Variants in PCDH15 observed in about 807,000 individuals in gnomAD.
PCDH15 encodes the protein protocadherin related 15.
Under a neutral mutation model 178.5 loss-of-function variants are expected in PCDH15, and 129 were observed. The observed-to-expected ratio is 0.72, with a 90% confidence interval of 0.63 to 0.84. The LOEUF (loss-of-function observed/expected upper bound fraction) is 0.84, where lower values mean the gene tolerates loss of function less well. Ranked by LOEUF, PCDH15 falls within the 40% of genes least tolerant of loss-of-function variation. The pLI, the probability that PCDH15 is intolerant of heterozygous loss-of-function variation, is 0.00. For synonymous variants in PCDH15, 800 were observed against 732.0 expected, an observed-to-expected ratio of 1.09 and a Z score of -1.50; for missense variants, 2,230 against 2,099.9, an observed-to-expected ratio of 1.06 and a Z score of -1.21.
chr10:54,265,844 A>C (rs11004189), intron 8 of PCDH15, among the ~76,000 whole-genome samples: 107,587 of 151,876 alleles, frequency 0.71, 39,032 homozygotes, highest in Middle Eastern at 0.77. Flanking sequence ...TTCTACACCC[A>C]ACTGACAGTG....
At position 54,023,568 on chromosome 10, in the gene PCDH15, T is replaced by A. The variant is rs1232707775; in HGVS notation, c.2221-371A>T. On this transcript the variant is annotated intron_variant, in intron 18 of 37. Coordinates refer to ENST00000644397, the MANE Select transcript of PCDH15 (RefSeq NM_001384140.1). ...TAATCTGCCGAGTGACAATTTAAGA[T>A]TATGTAGGTTTTTGCTCACTGTATA... Among the ~76,000 whole-genome samples the A allele has an allele frequency of 2.7e-5, 4 of 148,306 alleles. No individual in the cohort carries two copies. In the East Asian group the frequency reaches 7.8e-4, roughly 29 times the overall value.
chr10:54,813,668 GTTC>G (rs1280230600), intron 3 of PCDH15, among the ~76,000 whole-genome samples: 1 of 152,076 alleles, frequency 6.6e-6, no homozygotes, highest in African/African-American at 2.4e-5. Flanking sequence ...CACAATCATT[GTTC>G]TTCAAGACTA....
At chr10:54,669,839 G>C (rs1178306018) in intron 1 of PCDH15, among the ~76,000 whole-genome samples, 3 of 151,688 alleles carry the variant, frequency 2.0e-5, no homozygotes, top group Admixed American at 6.6e-5. Context: ...GATAACTCGA[G>C]ATCAGGAGTT....
rs1013883600 is a variant in PCDH15 at position 53,804,321 on chromosome 10, T to G, written c.*2258A>C. 2.0e-5 allele frequency: 3 copies of G among 151,986 alleles called. No individual in the cohort carries two copies. Among genetic ancestry groups the G allele is most frequent in the African/African-American group, 7.2e-5 (3 of 41,422 alleles). 9.4% of individuals were successfully genotyped at this position (151,986 alleles called of 1,614,324 possible). A position where few individuals can be genotyped will look rare whatever the true frequency, so the allele number is the denominator to read the frequency against. On this transcript the variant is annotated 3_prime_UTR_variant, in exon 38 of 38. Coordinates refer to ENST00000644397, the MANE Select transcript of PCDH15 (RefSeq NM_001384140.1). ...AAATGTAGTTTAAAATACAGTGACA[T>G]CTCATATGTCAGGCCACTAGACTTC... is the stretch of plus-strand genomic sequence containing the variant.
intron 16 of PCDH15, among the ~76,000 whole-genome samples, chr10:54,086,954 C>T (rs556085022): frequency 1.3e-5 from 2 of 152,222 alleles, no homozygotes; most frequent in South Asian, 4.1e-4. Flanking sequence ...ATGAGAGGAG[C>T]ACTAGAGATA....
At chr10:55,205,163 TTAAAA>T (rs1840362826) in intron 1 of PCDH15, among the ~76,000 whole-genome samples, 1 of 152,024 alleles carries the variant, frequency 6.6e-6, no homozygotes, top group South Asian at 2.1e-4. Flanking sequence ...AAAAGAAATA[TTAAAA>T]TAAACCACTT....
intron 2 of PCDH15, among the ~76,000 whole-genome samples, chr10:55,417,628 G>T (rs1004546414): frequency 6.6e-6 from 1 of 151,512 alleles, no homozygotes; most frequent in African/African-American, 2.4e-5. Context: ...CATAAAGCTA[G>T]GATTCTTTAG....
At chr10:54,292,269 T>C (rs1006774915) in intron 8 of PCDH15, among the ~76,000 whole-genome samples, 6 of 152,066 alleles carry the variant, frequency 3.9e-5, no homozygotes, top group Admixed American at 6.6e-5. Flanking sequence ...CAAAATTCAA[T>C]GGCCCTTCAT....
intron 26 of PCDH15, among the ~76,000 whole-genome samples, chr10:53,878,882 G>A (rs552305236): frequency 1.8e-4 from 28 of 152,136 alleles, no homozygotes; most frequent in African/African-American, 6.3e-4. Flanking sequence ...AGATACATGA[G>A]CTTGGGCAAG....
chr10:54,687,211 G>A (rs999489695), intron 1 of PCDH15, among the ~76,000 whole-genome samples: 1 of 152,096 alleles, frequency 6.6e-6, no homozygotes, highest in African/African-American at 2.4e-5. Flanking sequence ...TGGTGGGAAT[G>A]CAAAATGGTG....
chr10:54,888,778 G>A (rs1017216804), intron 3 of PCDH15, among the ~76,000 whole-genome samples: 3 of 113,762 alleles, frequency 2.6e-5, no homozygotes, highest in African/African-American at 1.0e-4. Flanking sequence ...TTAAGTGCTT[G>A]TTCATTTTTT....
intron 17 of PCDH15, among the ~76,000 whole-genome samples, chr10:54,071,096 C>CTAAT (rs2094233586): frequency 6.6e-6 from 1 of 152,082 alleles, no homozygotes; most frequent in African/African-American, 2.4e-5. Flanking sequence ...AAATAATTAA[C>CTAAT]TAATTTTCTA....
At chr10:55,212,159 A>G (rs1840587704) in intron 1 of PCDH15, among the ~76,000 whole-genome samples, 1 of 152,122 alleles carries the variant, frequency 6.6e-6, no homozygotes, top group Non-Finnish European at 1.5e-5. Context: ...AGAACTGCAT[A>G]ATAAAAGATT....
intron 23 of PCDH15, among the ~76,000 whole-genome samples, chr10:53,956,059 G>A (rs774572630): frequency 6.6e-6 from 1 of 151,980 alleles, no homozygotes; most frequent in Non-Finnish European, 1.5e-5. Context: ...TTCATATTTT[G>A]CAATATGAAT....
In PCDH15 at chr10:53,804,127, A is replaced by C. The variant is rs1841023182; in HGVS notation, c.*2452T>G. The C allele has an allele frequency of 6.6e-6, 1 of 151,900 alleles. No homozygotes were observed. Among genetic ancestry groups the C allele is most frequent in the South Asian group, 2.1e-4 (1 of 4,824 alleles). The allele number at this position is 151,900 out of a possible 1,614,324, so 9.4% of individuals were successfully genotyped here. On this transcript the variant is annotated 3_prime_UTR_variant, in exon 38 of 38. Transcript: ENST00000644397. ...CTCTACGTTACCCAAAAATATACTG[A>C]CCAAATATTTGGTTTGGTTGCTCTG...
chr10:54,695,920 T>C (rs1437273222), intron 1 of PCDH15, among the ~76,000 whole-genome samples: 2 of 152,032 alleles, frequency 1.3e-5, no homozygotes, highest in Admixed American at 6.6e-5. Context: ...ACAATGCACC[T>C]AGTCACCCAT....
At chr10:55,264,849 A>C (rs1356147469) in intron 1 of PCDH15, among the ~76,000 whole-genome samples, 2 of 152,190 alleles carry the variant, frequency 1.3e-5, no homozygotes, top group Non-Finnish European at 2.9e-5. Context: ...ACTTTTCTAT[A>C]CATGTGAAGA....
At chr10:55,327,365 T>A (rs1441678610) in intron 2 of PCDH15, among the ~76,000 whole-genome samples, 2 of 151,856 alleles carry the variant, frequency 1.3e-5, no homozygotes, top group African/African-American at 4.8e-5. Flanking sequence ...GAAGTTTGAA[T>A]GAAATAATAT....
intron 2 of PCDH15, among the ~76,000 whole-genome samples, chr10:54,928,879 G>A (rs1163266569): frequency 6.6e-6 from 1 of 152,060 alleles, no homozygotes. Flanking sequence ...ACATACTCCT[G>A]CACCTCAAAG....
Sources: gnomAD v4.1 joint callset for allele counts (sites outside exome capture counted in the v4.1 genomes callset) on GRCh38, gnomAD v4.1.1 for gene constraint, MANE v1.5 for transcripts, NCBI Gene and HGNC (gene_info 2026-07-23, HGNC 2026-07-21) for gene names.